CPVL: variants seen among roughly 807,000 people sequenced by gnomAD.
The protein encoded by CPVL is carboxypeptidase vitellogenic like, also known as probable serine carboxypeptidase CPVL.
CPVL carries 51 observed loss-of-function variants against 63.7 expected under a neutral mutation model. The ratio of observed to expected loss-of-function variants is 0.80; its 90% CI spans 0.64 to 1.01. The LOEUF is 1.01. Ranked by LOEUF, CPVL falls within the 50% of genes least tolerant of loss-of-function variation. The pLI, the probability that CPVL is intolerant of heterozygous loss-of-function variation, is 0.00. For synonymous variants in CPVL, 195 were observed against 206.0 expected (o/e 0.95, Z 0.46); for missense variants, 530 against 573.1 (o/e 0.92, Z 0.77).
chr7:29,171,525 G>A (rs1796602830), intron 5 of CPVL, among the ~76,000 whole-genome samples: 1 of 152,112 alleles, frequency 6.6e-6, no homozygotes, highest in Non-Finnish European at 1.5e-5. Flanking sequence ...TCAGCCCCGA[G>A]CTTTCTTTGA....
intron 3 of CPVL, among the ~76,000 whole-genome samples, chr7:29,103,441 G>A (rs898269963): frequency 2.5e-4 from 31 of 126,158 alleles, no homozygotes; most frequent in African/African-American, 8.6e-4. Context: ...TTTTAGTAGA[G>A]ATGGGGTTTC....
At chr7:29,114,138 T>C (rs1788533505) in intron 2 of CPVL, among the ~76,000 whole-genome samples, 2 of 152,258 alleles carry the variant, frequency 1.3e-5, no homozygotes, top group African/African-American at 4.8e-5. Flanking sequence ...GGTGACAATA[T>C]TAACACTCAA....
intron 12 of CPVL, among the ~76,000 whole-genome samples, chr7:29,030,144 C>T (rs1201971507): frequency 6.6e-6 from 1 of 152,206 alleles, no homozygotes; most frequent in Non-Finnish European, 1.5e-5. Context: ...TCTGACCCCG[C>T]AGTGGAAGTT....
intron 1 of CPVL, among the ~76,000 whole-genome samples, chr7:29,145,561 A>G (rs1228273693): frequency 7.0e-6 from 1 of 143,732 alleles, no homozygotes; most frequent in Non-Finnish European, 1.6e-5. Flanking sequence ...TTTAAACATT[A>G]TTTTGTTCTG....
chr7:29,132,148 G>C (rs761266113), intron 1 of CPVL, among the ~76,000 whole-genome samples: 4 of 152,156 alleles, frequency 2.6e-5, no homozygotes, highest in Non-Finnish European at 5.9e-5. Context: ...TGACATCTGA[G>C]CAGATCTGAG....
At chr7:29,148,506 CCT>C (rs1793093001), upstream of CPVL, 2 of 152,026 alleles carry the variant, frequency 1.3e-5, no homozygotes, top group South Asian at 4.2e-4. Context: ...TTTCAGTTCC[CCT>C]GAGTGAAATA....
chr7:29,050,094 A>G (rs749491331), intron 11 of CPVL, among the ~76,000 whole-genome samples: 1 of 152,196 alleles, frequency 6.6e-6, no homozygotes, highest in Non-Finnish European at 1.5e-5. Context: ...AACTGGAACA[A>G]GACAAGGATG....
intron 1 of CPVL, 187 bp downstream of exon 1, chr7:29,146,242 A>G (rs112503596): frequency 0.054 from 11,658 of 217,590 alleles, 399 homozygotes; most frequent in Middle Eastern, 0.076. Flanking sequence ...TACATCCCCA[A>G]TGCTCCAATT....
intron 12 of CPVL, among the ~76,000 whole-genome samples, chr7:29,025,011 G>A (rs1311919659): frequency 3.9e-5 from 6 of 152,098 alleles, no homozygotes; most frequent in African/African-American, 1.4e-4. Flanking sequence ...ACGGAACAAA[G>A]GATATATAAA....
intron 11 of CPVL, among the ~76,000 whole-genome samples, chr7:29,063,745 A>AT (rs1782859818): frequency 6.6e-6 from 1 of 151,770 alleles, no homozygotes; most frequent in Non-Finnish European, 1.5e-5. Flanking sequence ...TAGTTTTTGT[A>AT]TTTTTTAGTA....
intron 3 of CPVL, among the ~76,000 whole-genome samples, chr7:29,185,203 A>T (rs1279125032): frequency 6.6e-6 from 1 of 152,232 alleles, no homozygotes; most frequent in Non-Finnish European, 1.5e-5. Context: ...TTGAGAAATG[A>T]TAGAGTAGAT....
At chr7:29,100,437 G>A (rs1787000120) in intron 3 of CPVL, among the ~76,000 whole-genome samples, 2 of 152,150 alleles carry the variant, frequency 1.3e-5, no homozygotes, top group South Asian at 4.1e-4. Context: ...GGCGCCAAGG[G>A]TCTGAAGGTG....
At chr7:29,004,882 C>CT (rs1205496391) in intron 12 of CPVL, among the ~76,000 whole-genome samples, 12 of 148,110 alleles carry the variant, frequency 8.1e-5, no homozygotes, top group African/African-American at 2.0e-4. Flanking sequence ...ACAAATATGT[C>CT]TTTTTTTTCT....
At chr7:29,104,755 A>G (rs995264064) in intron 3 of CPVL, among the ~76,000 whole-genome samples, 26 of 152,316 alleles carry the variant, frequency 1.7e-4, no homozygotes, top group African/African-American at 4.8e-4. Flanking sequence ...CTCCTGCCAG[A>G]AAGTTATACT....
chr7:29,187,461 C>A (rs1349717690), intron 1 of CPVL, among the ~76,000 whole-genome samples: 1 of 152,076 alleles, frequency 6.6e-6, no homozygotes, highest in African/African-American at 2.4e-5. Flanking sequence ...CGGTGGCTCA[C>A]GCCTGTAATC....
chr7:29,172,074 T>C (rs1386606777), intron 5 of CPVL, among the ~76,000 whole-genome samples: 1 of 152,170 alleles, frequency 6.6e-6, no homozygotes, highest in Admixed American at 6.5e-5. Flanking sequence ...AAATCAGATG[T>C]AGGGTCAGCA....
intron 7 of CPVL, among the ~76,000 whole-genome samples, chr7:29,073,265 C>T (rs1295305330): frequency 2.0e-5 from 3 of 152,114 alleles, no homozygotes; most frequent in Non-Finnish European, 4.4e-5. Context: ...CTCTTTGTCT[C>T]GTATTCCACA....
chr7:29,170,578 A>G (rs1796467522), intron 5 of CPVL, among the ~76,000 whole-genome samples: 2 of 152,226 alleles, frequency 1.3e-5, no homozygotes, highest in Non-Finnish European at 2.9e-5. Flanking sequence ...AAAATCAACC[A>G]TTACATGACA....
chr7:29,037,888 A>C (rs1788704254), intron 11 of CPVL, among the ~76,000 whole-genome samples: 1 of 152,140 alleles, frequency 6.6e-6, no homozygotes, highest in Non-Finnish European at 1.5e-5. Context: ...ACTCACTCTG[A>C]GCTTTAATTT....
Sources: allele counts gnomAD v4.1 joint callset (sites outside exome capture counted in the v4.1 genomes callset), GRCh38; gene constraint gnomAD v4.1.1; transcripts MANE v1.5; gene names NCBI Gene and HGNC (gene_info 2026-07-23, HGNC 2026-07-21).